GALNT13: variants seen among roughly 807,000 people sequenced by gnomAD.
The protein encoded by GALNT13 is UDP-GalNAc:polypeptide N-acetylgalactosaminyltransferase 13.
Under a neutral mutation model 64.2 loss-of-function variants are expected in GALNT13, and 28 were observed. The observed-to-expected ratio is 0.44, with a 90% CI of 0.32 to 0.60. The LOEUF (loss-of-function observed/expected upper bound fraction) is 0.60, where lower values mean the gene tolerates loss of function less well. Ranked by LOEUF, GALNT13 falls within the 20% of genes least tolerant of loss-of-function variation. The probability of loss-of-function intolerance (pLI) is 0.05; values close to 1 mark genes in which losing one functional copy is unlikely to be tolerated. For synonymous variants in GALNT13, 214 were observed against 224.6 expected (o/e 0.95, Z 0.42); for missense variants, 577 against 669.8 (o/e 0.86, Z 1.53).
At chr2:153,223,706 C>A in the GALNT13 span, among the ~76,000 whole-genome samples, 1 of 152,096 alleles carries the variant, frequency 6.6e-6, no homozygotes, top group Admixed American at 6.5e-5. Flanking sequence ...CTCATGCCTG[C>A]CCAGCACTTT....
the GALNT13 span, among the ~76,000 whole-genome samples, chr2:153,160,095 A>C: frequency 6.6e-6 from 1 of 152,258 alleles, no homozygotes; most frequent in Non-Finnish European, 1.5e-5. Flanking sequence ...TGGGATGTAG[A>C]AAGAATGTTC....
At chr2:153,584,148 C>T in the GALNT13 span, among the ~76,000 whole-genome samples, 1 of 152,120 alleles carries the variant, frequency 6.6e-6, no homozygotes, top group Admixed American at 6.5e-5. Context: ...TACCACCCTC[C>T]CCATGCTAAG....
chr2:153,266,219 A>G, the GALNT13 span, among the ~76,000 whole-genome samples: 2 of 152,230 alleles, frequency 1.3e-5, no homozygotes, highest in Non-Finnish European at 2.9e-5. Context: ...ATTGCCTAAT[A>G]CCTATTGGAT....
At chr2:153,811,886 A>T in the GALNT13 span, among the ~76,000 whole-genome samples, 1 of 152,336 alleles carries the variant, frequency 6.6e-6, no homozygotes, top group South Asian at 2.1e-4. Context: ...CAGAGCTTAT[A>T]TGTTTTCTCA....
chr2:154,021,737 T>A (rs992332672), intron 3 of GALNT13, among the ~76,000 whole-genome samples: 1 of 151,624 alleles, frequency 6.6e-6, no homozygotes, highest in African/African-American at 2.4e-5. Context: ...TCCAACACTA[T>A]GTTGAATAGG....
the GALNT13 span, among the ~76,000 whole-genome samples, chr2:153,718,988 A>G: frequency 4.6e-5 from 7 of 152,172 alleles, no homozygotes; most frequent in East Asian, 9.7e-4. Flanking sequence ...CCAGAGAAGG[A>G]TTTTCCACTG....
At chr2:154,368,971 C>G (rs1697527085) in intron 9 of GALNT13, among the ~76,000 whole-genome samples, 1 of 145,172 alleles carries the variant, frequency 6.9e-6, no homozygotes, top group Admixed American at 7.2e-5. Flanking sequence ...TGTAAAGTAT[C>G]TAGTGGAGGC....
the GALNT13 span, among the ~76,000 whole-genome samples, chr2:153,119,201 T>C: frequency 6.6e-6 from 1 of 152,116 alleles, no homozygotes; most frequent in Non-Finnish European, 1.5e-5. Context: ...CTTGGGTATG[T>C]CTTTATGAGC....
intron 3 of GALNT13, among the ~76,000 whole-genome samples, chr2:154,024,364 G>T (rs1327546208): frequency 6.6e-6 from 1 of 152,078 alleles, no homozygotes; most frequent in East Asian, 1.9e-4. Context: ...TTTTCACATA[G>T]TCCCATATTT....
At chr2:153,304,381 G>T in the GALNT13 span, among the ~76,000 whole-genome samples, 1 of 152,042 alleles carries the variant, frequency 6.6e-6, no homozygotes, top group Non-Finnish European at 1.5e-5. Context: ...AAAATTGATT[G>T]ACCATCAAGG....
the GALNT13 span, among the ~76,000 whole-genome samples, chr2:153,243,496 CA>C: frequency 6.6e-6 from 1 of 151,806 alleles, no homozygotes; most frequent in Non-Finnish European, 1.5e-5. Context: ...GATTTTTCAT[CA>C]AAAATAAAAG....
intron 3 of GALNT13, among the ~76,000 whole-genome samples, chr2:154,087,296 T>G (rs929940705): frequency 6.6e-6 from 1 of 152,082 alleles, no homozygotes; most frequent in East Asian, 1.9e-4. Context: ...AACAGTATGG[T>G]ACATATTTTT....
chr2:153,486,134 C>G, the GALNT13 span, among the ~76,000 whole-genome samples: 1 of 152,044 alleles, frequency 6.6e-6, no homozygotes. Flanking sequence ...GACAGGGTCT[C>G]ACCATGTTGG....
chr2:154,180,713 A>G (rs779500256), intron 4 of GALNT13, among the ~76,000 whole-genome samples: 3 of 152,146 alleles, frequency 2.0e-5, no homozygotes, highest in Non-Finnish European at 4.4e-5. Context: ...CTGTATATCT[A>G]AATTAACCTG....
intron 11 of GALNT13, among the ~76,000 whole-genome samples, chr2:154,419,549 A>G (rs1313316953): frequency 1.3e-5 from 2 of 152,094 alleles, no homozygotes; most frequent in Admixed American, 6.6e-5. Context: ...CACCTTTTCC[A>G]TTTTCATAAG....
At chr2:154,306,758 T>C (rs1693764194) in intron 9 of GALNT13, among the ~76,000 whole-genome samples, 1 of 152,026 alleles carries the variant, frequency 6.6e-6, no homozygotes, top group Non-Finnish European at 1.5e-5. Flanking sequence ...CTGAGTGGTA[T>C]CAGCTGTTGC....
chr2:154,073,703 C>T (rs1224561207), intron 3 of GALNT13, among the ~76,000 whole-genome samples: 3 of 151,790 alleles, frequency 2.0e-5, no homozygotes, highest in Non-Finnish European at 4.4e-5. Flanking sequence ...ATGAAATATT[C>T]ATTGTCAGGG....
the GALNT13 span, among the ~76,000 whole-genome samples, chr2:153,723,207 T>G: frequency 6.3e-5 from 9 of 142,280 alleles, no homozygotes; most frequent in Non-Finnish European, 1.1e-4. Context: ...AAAAACCACA[T>G]GATTATCTCA....
the GALNT13 span, among the ~76,000 whole-genome samples, chr2:153,387,825 A>G: frequency 5.9e-5 from 9 of 152,246 alleles, no homozygotes; most frequent in East Asian, 1.2e-3. Flanking sequence ...TAAAAAGCTC[A>G]GTTTTTTTAG....
Sources: allele counts gnomAD v4.1 joint callset (sites outside exome capture counted in the v4.1 genomes callset), GRCh38; gene constraint gnomAD v4.1.1; transcripts MANE v1.5; gene names NCBI Gene and HGNC (gene_info 2026-07-23, HGNC 2026-07-21).